PTPN13: variants seen among roughly 807,000 people sequenced by gnomAD.
The protein encoded by PTPN13 is tyrosine-protein phosphatase non-receptor type 13.
PTPN13 carries 191 observed loss-of-function variants against 284.0 expected under a neutral mutation model. The observed-to-expected ratio is 0.67, with a 90% confidence interval of 0.60 to 0.76. The LOEUF (loss-of-function observed/expected upper bound fraction) is 0.76, where lower values mean the gene tolerates loss of function less well. Among genes scored for constraint, PTPN13 ranks in the 30% least tolerant of loss-of-function variants. The pLI is 0.00. For missense variants in PTPN13, 2,797 were observed against 2,939.9 expected (o/e 0.95, Z 1.12); for synonymous variants, 986 against 1,022.3 (o/e 0.96, Z 0.68).
chr4:86,798,000 AC>A (rs1455280539), intron 41 of PTPN13, among the ~76,000 whole-genome samples: 3 of 152,222 alleles, frequency 2.0e-5, no homozygotes, highest in African/African-American at 7.2e-5. Context: ...AGGTGATGAT[AC>A]CAGCCATTTA....
At position 86,750,590 on chromosome 4, in the gene PTPN13, C is replaced by G. The variant is rs923857144; in HGVS notation, c.2771C>G (p.Pro924Arg). ...SSTLNKLAVR[P>R]LSVQAEILKR... ...ACCCTCAACAAACTTGCTGTTCGACCTTTATCAGTTCAAGCTGAGATTCTG... is the reference window on the plus strand; with the variant it reads ...ACCCTCAACAAACTTGCTGTTCGACGTTTATCAGTTCAAGCTGAGATTCTG... Residue 924 changes from proline to arginine, a missense_variant, in exon 18 of 48, where the codon CCT becomes CGT. Physicochemically the swap from Pro to Arg is moderately radical, Grantham distance 103. Transcript: ENST00000411767. The G allele has an allele frequency of 3.1e-6, 5 of 1,613,800 alleles. No individual in the cohort carries two copies. The highest frequency in any genetic ancestry group is 4.2e-6 in the Non-Finnish European group (5 of 1,179,884).
At position 86,689,136 on chromosome 4, in the gene PTPN13, C is replaced by G. The variant is rs1449844374; in HGVS notation, c.492C>G (p.Pro164=). 6.2e-7 allele frequency: 1 copy of G among 1,613,622 alleles called. No individual in the cohort carries two copies. The highest frequency in any genetic ancestry group is 8.5e-7 in the Non-Finnish European group (1 of 1,179,622). The change falls in exon 5 of 48, where the codon CCC becomes CCG. Residue 164 remains proline (P), a synonymous_variant. Coordinates refer to ENST00000411767, the MANE Select transcript of PTPN13 (RefSeq NM_080683.3). ...SAHIRNSNCA[P]SFSYVKHLVK... ...ACATTAGGAATAGCAATTGTGCACCCTCATTTTCCTACGTGAAACACTTGG... is the reference window on the plus strand; with the variant it reads ...ACATTAGGAATAGCAATTGTGCACCGTCATTTTCCTACGTGAAACACTTGG...
intron 2 of PTPN13, among the ~76,000 whole-genome samples, chr4:86,648,293 A>G (rs776015605): frequency 5.3e-5 from 8 of 152,052 alleles, no homozygotes; most frequent in Non-Finnish European, 1.2e-4. Context: ...TAGTTGCCCT[A>G]TTGTGCTACT....
At chr4:86,745,874 A>G (rs968273943) in intron 17 of PTPN13, among the ~76,000 whole-genome samples, 1 of 152,208 alleles carries the variant, frequency 6.6e-6, no homozygotes, top group Non-Finnish European at 1.5e-5. Flanking sequence ...AGTACTGGAC[A>G]GGTGGCACTT....
chr4:86,769,800 T>G lies in PTPN13; in HGVS notation c.4521T>G (p.Asn1507Lys). ...ENTFEVKLFK[N>K]SSGLGFSFSR... ...CATTTGAGGTAAAATTATTTAAAAA[T>G]AGCTCAGGTCTAGGATTCAGTTTTT... Residue 1507 changes from asparagine (N) to lysine (K), a missense_variant, in exon 29 of 48, where the codon AAT becomes AAG. Coordinates refer to ENST00000411767, the MANE Select transcript of PTPN13 (RefSeq NM_080683.3). 1 of 1,604,200 alleles carries G rather than the reference T, an allele frequency of 6.2e-7. No individual in the cohort carries two copies. Among genetic ancestry groups the G allele is most frequent in the Non-Finnish European group, 8.5e-7 (1 of 1,176,578 alleles).
intron 2 of PTPN13, among the ~76,000 whole-genome samples, chr4:86,654,489 C>A (rs1321100495): frequency 1.3e-5 from 2 of 152,194 alleles, no homozygotes; most frequent in African/African-American, 4.8e-5. Context: ...TTTCTGCCTT[C>A]ATTTCGTTAT....
chr4:86,785,845 C>A lies in PTPN13; in HGVS notation c.6257-3C>A. ...CCTCTTGGCCTATATATTCCTCTCT[C>A]AGGTACATTAAAGATGAATGGGAAG... On this transcript the variant is annotated splice_region_variant and splice_polypyrimidine_tract_variant and intron_variant, in intron 39 of 47. Coordinates refer to ENST00000411767, the MANE Select transcript of PTPN13 (RefSeq NM_080683.3). 2 of 1,539,712 alleles carry A rather than the reference C, an allele frequency of 1.3e-6. No homozygotes were observed. Among genetic ancestry groups the A allele is most frequent in the South Asian group, 1.2e-5 (1 of 82,836 alleles).
At chr4:86,740,607 C>A (rs986178483) in intron 15 of PTPN13, among the ~76,000 whole-genome samples, 15 of 152,150 alleles carry the variant, frequency 9.9e-5, no homozygotes, top group Non-Finnish European at 1.8e-4. Flanking sequence ...GCCCTGGAAA[C>A]CTTTTCCCCA....
chr4:86,762,637 C>A, intron 23 of PTPN13, 90 bp from the exon 24 acceptor site: 1 of 1,017,286 alleles, frequency 9.8e-7, no homozygotes, highest in African/African-American at 1.6e-5. Flanking sequence ...CTTATAAAAT[C>A]CTTCCAACAA....
At chr4:86,615,260 T>C (rs574896159) in intron 1 of PTPN13, among the ~76,000 whole-genome samples, 1 of 152,274 alleles carries the variant, frequency 6.6e-6, no homozygotes, top group South Asian at 2.1e-4. Flanking sequence ...AGAAATTACA[T>C]AGTGACTATG....
At chr4:86,768,709 CTT>C (rs774501203) in intron 28 of PTPN13, among the ~76,000 whole-genome samples, 19 of 130,358 alleles carry the variant, frequency 1.5e-4, no homozygotes, top group Admixed American at 1.5e-4. Flanking sequence ...TTTCTTCCAT[CTT>C]TTTTTTTTTT....
chr4:86,680,256 T>C (rs61121590), intron 3 of PTPN13, among the ~76,000 whole-genome samples: 8,090 of 152,246 alleles, frequency 0.053, 306 homozygotes, highest in African/African-American at 0.084. Context: ...TATAACTGTA[T>C]AGACAGAAAT....
At position 86,701,300 on chromosome 4, in the gene PTPN13, T is replaced by G; in HGVS notation, c.694T>G (p.Phe232Val). 2 of 1,612,086 alleles carry G rather than the reference T, an allele frequency of 1.2e-6. No homozygotes were observed. Among genetic ancestry groups the G allele is most frequent in the South Asian group, 1.1e-5 (1 of 90,558 alleles). Reference sequence around the variant, plus strand: ...AAAGCCTCCACTCTCTCATCAGACCTTTCTTAACAAAGGGCTTAGTAAATC... The same window carrying G: ...AAAGCCTCCACTCTCTCATCAGACCGTTCTTAACAAAGGGCTTAGTAAATC... Reference protein sequence around the residue: ...IQKPPLSHQTFLNKGLSKSMG... With the variant: ...IQKPPLSHQTVLNKGLSKSMG... Residue 232 changes from phenylalanine (F) to valine (V), a missense_variant, in exon 7 of 48, where the codon TTT (phenylalanine) becomes GTT (valine). Transcript: ENST00000411767.
At chr4:86,767,344 C>T (rs1739449955) in intron 27 of PTPN13, among the ~76,000 whole-genome samples, 2 of 151,570 alleles carry the variant, frequency 1.3e-5, no homozygotes, top group Admixed American at 6.6e-5. Flanking sequence ...CTCCCAGAGT[C>T]AAGCAATTCT....
rs190579594 is a variant in PTPN13, at chr4:86,751,575, C to T, written c.3166+451C>T. 6.6e-3 allele frequency among the ~76,000 whole-genome samples: 999 copies of T among 152,250 alleles called. 9 individuals are homozygous for T. The highest frequency in any genetic ancestry group is 0.022 in the African/African-American group (900 of 41,546). On this transcript the variant is annotated intron_variant, in intron 19 of 47. Coordinates refer to ENST00000411767, the MANE Select transcript of PTPN13 (RefSeq NM_080683.3). ...ACTCAAGGGGTCTGCCCACCTTGGC[C>T]TCCCAAAGTGCTGAGATTACAGGCT...
chr4:86,657,137 G>A (rs989177915), intron 2 of PTPN13, among the ~76,000 whole-genome samples: 2 of 152,258 alleles, frequency 1.3e-5, no homozygotes, highest in East Asian at 3.9e-4. Context: ...GCTTCCCTTG[G>A]CTAGGAAAGG....
chr4:86,657,599 C>A (rs1726002786), intron 2 of PTPN13, among the ~76,000 whole-genome samples: 3 of 152,142 alleles, frequency 2.0e-5, no homozygotes, highest in Admixed American at 6.5e-5. Flanking sequence ...GCTTGCAGAC[C>A]AGCACAGTAC....
intron 1 of PTPN13, among the ~76,000 whole-genome samples, chr4:86,597,826 CAT>C (rs1578223539): frequency 6.6e-6 from 1 of 152,248 alleles, no homozygotes; most frequent in Non-Finnish European, 1.5e-5. Flanking sequence ...ATAAACTTCA[CAT>C]GTTTTTCCCA....
intron 40 of PTPN13, among the ~76,000 whole-genome samples, chr4:86,794,957 C>T (rs1743153420): frequency 6.6e-6 from 1 of 152,112 alleles, no homozygotes; most frequent in Admixed American, 6.5e-5. Flanking sequence ...AGAAGAAAAC[C>T]TAGGTGGTAC....
Sources: gnomAD v4.1 joint callset for allele counts (sites outside exome capture counted in the v4.1 genomes callset) on GRCh38, gnomAD v4.1.1 for gene constraint, MANE v1.5 for transcripts, NCBI Gene and HGNC (gene_info 2026-07-23, HGNC 2026-07-21) for gene names.